The following PRR7 variants were observed in gnomAD, a reference collection of about 807,000 sequenced individuals.
The protein encoded by PRR7 is proline-rich protein 7.
In PRR7, 8 loss-of-function variants were observed where a neutral mutation model predicts 18.5. That is an observed-to-expected ratio of 0.43 (90% CI 0.25 to 0.78). The LOEUF is 0.78. Among genes scored for constraint, PRR7 ranks in the 30% least tolerant of loss-of-function variants. The pLI, the probability that PRR7 is intolerant of heterozygous loss-of-function variation, is 0.22. For missense variants in PRR7, 396 were observed against 403.1 expected, an observed-to-expected ratio of 0.98 and a Z score of 0.15; for synonymous variants, 221 against 187.7, an observed-to-expected ratio of 1.18 and a Z score of -1.45.
In PRR7 at chr5:177,455,659, CG is replaced by C. The variant is rs1246826609; in HGVS notation, c.428-61del. 2 of 1,452,208 alleles carry C rather than the reference CG, an allele frequency of 1.4e-6. No homozygotes were observed. The highest frequency in any genetic ancestry group is 1.8e-6 in the Non-Finnish European group (2 of 1,097,752). 90.0% of individuals were successfully genotyped at this position (1,452,208 alleles called of 1,614,324 possible). On this transcript the variant is annotated intron_variant, in intron 3 of 3. Coordinates refer to ENST00000323249, the MANE Select transcript of PRR7 (RefSeq NM_030567.5). This position sits in a 1 kb window ranked among gnomAD's most constrained non-coding sequence, Gnocchi z 6.9. ...GGCTGGGGCGCGGGCGGCCCCTGGC[CG>C]GGGCCTCTGCGAGAGGCTGGGAACC... is the stretch of plus-strand genomic sequence containing the variant.
At chr5:177,446,502 T>C (rs890570532), upstream of PRR7, 4 of 152,512 alleles carry the variant, frequency 2.6e-5, no homozygotes, top group African/African-American at 9.6e-5. This position sits in a 1 kb window ranked among gnomAD's most constrained non-coding sequence, Gnocchi z 5.3. Flanking sequence ...GTCCGGGTTC[T>C]CGACCTCAGC....
rs1756102997 is a variant in PRR7 at position 177,449,862 on chromosome 5, T to C, written c.-325+2902T>C. On this transcript the variant is annotated intron_variant, in intron 1 of 3. Coordinates refer to ENST00000323249, the MANE Select transcript of PRR7 (RefSeq NM_030567.5). This position sits in a 1 kb window ranked among gnomAD's most constrained non-coding sequence, Gnocchi z 4.2. Reference sequence around the variant, plus strand: ...CCCTGGCCTAGGCGGAGGGCGGTTCTGGCCAGCTCCAAGCCTGGCTGACTG... The same window carrying C: ...CCCTGGCCTAGGCGGAGGGCGGTTCCGGCCAGCTCCAAGCCTGGCTGACTG... Among the ~76,000 whole-genome samples, 1 of 152,174 alleles carries C rather than the reference T, an allele frequency of 6.6e-6. No individual in the cohort carries two copies. Among genetic ancestry groups the C allele is most frequent in the Non-Finnish European group, 1.5e-5 (1 of 68,010 alleles).
Position 177,455,649 on chromosome 5 carries a change from G to T in PRR7, c.428-75G>T. ...TTCGGGCTAGGGCTGGGGCGCGGGC[G>T]GCCCCTGGCCGGGGCCTCTGCGAGA... On this transcript the variant is annotated intron_variant, in intron 3 of 3. Coordinates refer to ENST00000323249, the MANE Select transcript of PRR7 (RefSeq NM_030567.5). The surrounding 1 kb of genome is among the most constrained non-coding windows in gnomAD (Gnocchi z 6.9). 7.0e-7 allele frequency: 1 copy of T among 1,426,752 alleles called. No homozygotes were observed. The highest frequency in any genetic ancestry group is 1.5e-5 in the South Asian group (1 of 68,566). 88.4% of individuals were successfully genotyped at this position (1,426,752 alleles called of 1,614,324 possible). A position where few individuals can be genotyped will look rare whatever the true frequency, so the allele number is the denominator to read the frequency against.
Position 177,455,525 on chromosome 5 carries a change from C to T in PRR7, c.427+31C>T. On this transcript the variant is annotated intron_variant, in intron 3 of 3. Transcript: ENST00000323249. The surrounding 1 kb of genome is among the most constrained non-coding windows in gnomAD (Gnocchi z 6.9). ...TACCGACCTCCGCCAGGGGGCGATCCGGGCCGCCGGAAGTGGGCGGGCGTT... is the reference window on the plus strand; with the variant it reads ...TACCGACCTCCGCCAGGGGGCGATCTGGGCCGCCGGAAGTGGGCGGGCGTT... 2.8e-6 allele frequency: 4 copies of T among 1,450,038 alleles called. No individual in the cohort carries two copies. The highest frequency in any genetic ancestry group is 3.6e-6 in the Non-Finnish European group (4 of 1,112,098). The allele number at this position is 1,450,038 out of a possible 1,614,324, so 89.8% of individuals were successfully genotyped here. A position where few individuals can be genotyped will look rare whatever the true frequency, so the allele number is the denominator to read the frequency against.
chr5:177,455,224 G>A lies in PRR7; in HGVS notation c.157G>A (p.Ala53Thr), dbSNP rs746388371. The part of the protein sequence containing the change: ...EERLREQNLR[A>T]LELEPLELEG... ...GCGACTGCGCGAGCAGAACCTGCGCGCCCTAGAGCTGGAGCCCCTCGAACT... is the reference window on the plus strand; with the variant it reads ...GCGACTGCGCGAGCAGAACCTGCGCACCCTAGAGCTGGAGCCCCTCGAACT... The change falls in exon 3 of 4, where the codon GCC (alanine) becomes ACC (threonine). Residue 53 changes from alanine to threonine, a missense_variant. Transcript: ENST00000323249. This position sits in a 1 kb window ranked among gnomAD's most constrained non-coding sequence, Gnocchi z 6.9. 1 of 1,561,714 alleles carries A rather than the reference G, an allele frequency of 6.4e-7. No homozygotes were observed.
Position 177,455,170 on chromosome 5 carries a change from CGCCGCCGCCTCA to C in PRR7, c.104_115del (p.Arg35_Lys39delinsGln). On this transcript the variant is annotated inframe_deletion, in exon 3 of 4. Coordinates refer to ENST00000323249, the MANE Select transcript of PRR7 (RefSeq NM_030567.5). This position sits in a 1 kb window ranked among gnomAD's most constrained non-coding sequence, Gnocchi z 6.9. ...GCTCTGCTGCTTCTGCAGCTTCCTG[CGCCGCCGCCTCA>C]AACGGCGCCAGGAGGAGCGACTGCG... 1 of 1,575,078 alleles carries C rather than the reference CGCCGCCGCCTCA, an allele frequency of 6.3e-7. No individual in the cohort carries two copies. Among genetic ancestry groups the C allele is most frequent in the Non-Finnish European group, 8.6e-7 (1 of 1,165,614 alleles).
chr5:177,447,967 C>G (rs1163709359), intron 1 of PRR7, among the ~76,000 whole-genome samples: 1 of 152,218 alleles, frequency 6.6e-6, no homozygotes, highest in Non-Finnish European at 1.5e-5. Context: ...GCCTGGTCCG[C>G]CAGGGGAGCT....
chr5:177,452,395 T>G (rs1322746923), intron 1 of PRR7, among the ~76,000 whole-genome samples: 1 of 152,018 alleles, frequency 6.6e-6, no homozygotes, highest in African/African-American at 2.4e-5. Flanking sequence ...GGGGGCATGG[T>G]TTTTTCGGGA....
intron 1 of PRR7, 78 bp downstream of exon 1, chr5:177,447,038 G>C (rs1311851869): frequency 1.3e-5 from 2 of 151,516 alleles, no homozygotes; most frequent in Non-Finnish European, 2.9e-5. Context: ...GCCCTTCCCC[G>C]CGGGCGGCTC....
chr5:177,455,636 C>A lies in PRR7; in HGVS notation c.428-88C>A. 1 of 1,423,278 alleles carries A rather than the reference C, an allele frequency of 7.0e-7. No individual in the cohort carries two copies. The allele number at this position is 1,423,278 out of a possible 1,614,324, so 88.2% of individuals were successfully genotyped here. A position where few individuals can be genotyped will look rare whatever the true frequency, so the allele number is the denominator to read the frequency against. On this transcript the variant is annotated intron_variant, in intron 3 of 3. Transcript: ENST00000323249. This position sits in a 1 kb window ranked among gnomAD's most constrained non-coding sequence, Gnocchi z 6.9. ...CGGCGGGCTCGGGTTCGGGCTAGGG[C>A]TGGGGCGCGGGCGGCCCCTGGCCGG...
In PRR7 at chr5:177,455,388, G is replaced by T; in HGVS notation, c.321G>T (p.Ala107=). ...ACCCGCTGCTGCACCACGGGCCCGC[G>T]CAGCCGCACGCGCACGCGCACCCAC... ...HVHPLLHHGP[A]QPHAHAHPHP... The change falls in exon 3 of 4, where the codon GCG becomes GCT. Residue 107 remains alanine, a synonymous_variant. Transcript: ENST00000323249. The surrounding 1 kb of genome is among the most constrained non-coding windows in gnomAD (Gnocchi z 6.9). 2 of 1,495,526 alleles carry T rather than the reference G, an allele frequency of 1.3e-6. No homozygotes were observed. The highest frequency in any genetic ancestry group is 1.8e-6 in the Non-Finnish European group (2 of 1,129,516). 92.6% of individuals were successfully genotyped at this position (1,495,526 alleles called of 1,614,324 possible).
In PRR7 at chr5:177,454,823, C is replaced by T. The variant is rs35448384; in HGVS notation, c.-239-6C>T. 1 of 295,602 alleles carries T rather than the reference C, an allele frequency of 3.4e-6. No individual in the cohort carries two copies. Among genetic ancestry groups the T allele is most frequent in the African/African-American group, 2.2e-5 (1 of 45,058 alleles). The allele number at this position is 295,602 out of a possible 1,614,324, so 18.3% of individuals were successfully genotyped here. A position where few individuals can be genotyped will look rare whatever the true frequency, so the allele number is the denominator to read the frequency against. ...GCCTTCACTGCGCCCCGTGTCTGCCCTACAGGTCCCGCGCGGCCCCGGGTG... is the reference window on the plus strand; with the variant it reads ...GCCTTCACTGCGCCCCGTGTCTGCCTTACAGGTCCCGCGCGGCCCCGGGTG... On this transcript the variant is annotated splice_region_variant and splice_polypyrimidine_tract_variant and intron_variant, in intron 2 of 3. Coordinates refer to ENST00000323249, the MANE Select transcript of PRR7 (RefSeq NM_030567.5). The surrounding 1 kb of genome is among the most constrained non-coding windows in gnomAD (Gnocchi z 4.7).
rs1441082305 is a variant in PRR7 at position 177,454,644 on chromosome 5, G to A, written c.-239-185G>A. The stretch of plus-strand genomic sequence containing the variant: ...GCGGCGGCGGCCGGGGCTCAGATCG[G>A]GGAAACCCTACCGGGGAAACCTCGA... On this transcript the variant is annotated intron_variant, in intron 2 of 3. Coordinates refer to ENST00000323249, the MANE Select transcript of PRR7 (RefSeq NM_030567.5). The surrounding 1 kb of genome is among the most constrained non-coding windows in gnomAD (Gnocchi z 4.7). Among the ~76,000 whole-genome samples, 1 of 151,972 alleles carries A rather than the reference G, an allele frequency of 6.6e-6. No individual in the cohort carries two copies. Among genetic ancestry groups the A allele is most frequent in the Non-Finnish European group, 1.5e-5 (1 of 67,940 alleles).
At position 177,455,742 on chromosome 5, in the gene PRR7, A is replaced by G. The variant is rs1756399612; in HGVS notation, c.446A>G (p.Lys149Arg). The G allele has an allele frequency of 2.5e-6, 4 of 1,603,870 alleles. No homozygotes were observed. The highest frequency in any genetic ancestry group is 2.6e-6 in the Non-Finnish European group (3 of 1,174,802). Residue 149 changes from lysine (K) to arginine (R), a missense_variant, in exon 4 of 4, where the codon AAA becomes AGA. Around this residue, in one of 2 missense-constraint regions of PRR7, gnomAD observed 383 missense variants for 372.6 expected, o/e 1.03. Coordinates refer to ENST00000323249, the MANE Select transcript of PRR7 (RefSeq NM_030567.5). The surrounding 1 kb of genome is among the most constrained non-coding windows in gnomAD (Gnocchi z 6.9). The stretch of plus-strand genomic sequence containing the variant: ...TCCGCAGCGGAATCGGACATGTCCA[A>G]ACCACCGTGTTACGAAGAGGCGGTG... ...YPRQAESDMSKPPCYEEAVLM... is the reference protein window; with the variant it reads ...YPRQAESDMSRPPCYEEAVLM...
Position 177,455,436 on chromosome 5 carries a change from G to T in PRR7, c.369G>T (p.Pro123=). Residue 123 remains proline (P), a synonymous_variant, in exon 3 of 4, where the codon CCG becomes CCT. Transcript: ENST00000323249. This position sits in a 1 kb window ranked among gnomAD's most constrained non-coding sequence, Gnocchi z 6.9. ...CACACCCGCACCACCACGCGCTCCC[G>T]CACCCGCCGCCTACGCACCTGTCGG... ...AHPHPHHHAL[P]HPPPTHLSVP... 4 of 1,506,124 alleles carry T rather than the reference G, an allele frequency of 2.7e-6. No homozygotes were observed. The highest frequency in any genetic ancestry group is 3.5e-6 in the Non-Finnish European group (4 of 1,135,070). The allele number at this position is 1,506,124 out of a possible 1,614,324, so 93.3% of individuals were successfully genotyped here.
Position 177,455,761 on chromosome 5 carries a change from G to A in PRR7, c.465G>A (p.Glu155=). Residue 155 remains glutamate, a synonymous_variant, in exon 4 of 4, where the codon GAG becomes GAA. Coordinates refer to ENST00000323249, the MANE Select transcript of PRR7 (RefSeq NM_030567.5). This position sits in a 1 kb window ranked among gnomAD's most constrained non-coding sequence, Gnocchi z 6.9. ...SDMSKPPCYE[E]AVLMAEPPPP... is the part of the protein sequence containing the mutation. ...TGTCCAAACCACCGTGTTACGAAGA[G>A]GCGGTGCTGATGGCAGAGCCGCCGC... is the stretch of plus-strand genomic sequence containing the variant. The A allele has an allele frequency of 6.2e-7, 1 of 1,609,032 alleles. No individual in the cohort carries two copies. The highest frequency in any genetic ancestry group is 8.5e-7 in the Non-Finnish European group (1 of 1,178,160).
chr5:177,454,884 G>C lies in PRR7; in HGVS notation c.-184G>C. 1 of 777,440 alleles carries C rather than the reference G, an allele frequency of 1.3e-6. No homozygotes were observed. 48.2% of individuals were successfully genotyped at this position (777,440 alleles called of 1,614,324 possible). On this transcript the variant is annotated 5_prime_UTR_variant, in exon 3 of 4. Coordinates refer to ENST00000323249, the MANE Select transcript of PRR7 (RefSeq NM_030567.5). The surrounding 1 kb of genome is among the most constrained non-coding windows in gnomAD (Gnocchi z 4.7). Reference sequence around the variant, plus strand: ...GCGCGCCCGCCGGCGCCATGGGAAGGAGCGGGCGCCGCTGCTGTCCCCCGC... The same window carrying C: ...GCGCGCCCGCCGGCGCCATGGGAAGCAGCGGGCGCCGCTGCTGTCCCCCGC...
rs1756144286 is a variant in PRR7 at position 177,450,834 on chromosome 5, T to A, written c.-324-3122T>A. On this transcript the variant is annotated intron_variant, in intron 1 of 3. Coordinates refer to ENST00000323249, the MANE Select transcript of PRR7 (RefSeq NM_030567.5). The surrounding 1 kb of genome is among the most constrained non-coding windows in gnomAD (Gnocchi z 6.6). ...AACTCGGGCCCCATCCTAGACCTAC[T>A]GAATCCAGTACTGGGAATGGAGCCC... 6.6e-6 allele frequency among the ~76,000 whole-genome samples: 1 copy of A among 152,238 alleles called. No individual in the cohort carries two copies. The highest frequency in any genetic ancestry group is 2.1e-4 in the South Asian group (1 of 4,832).
At position 177,454,924 on chromosome 5, in the gene PRR7, C is replaced by T; in HGVS notation, c.-144C>T. 8.5e-7 allele frequency: 1 copy of T among 1,171,396 alleles called. No individual in the cohort carries two copies. The highest frequency in any genetic ancestry group is 3.4e-5 in the South Asian group (1 of 29,124). The allele number at this position is 1,171,396 out of a possible 1,614,324, so 72.6% of individuals were successfully genotyped here. A position where few individuals can be genotyped will look rare whatever the true frequency, so the allele number is the denominator to read the frequency against. On this transcript the variant is annotated 5_prime_UTR_variant, in exon 3 of 4. Coordinates refer to ENST00000323249, the MANE Select transcript of PRR7 (RefSeq NM_030567.5). The surrounding 1 kb of genome is among the most constrained non-coding windows in gnomAD (Gnocchi z 4.7). ...CTGTCCCCCGCCGGCGCGCGCACGA[C>T]TTGAGACCTGCCACGGGCAGCCCCC... is the stretch of plus-strand genomic sequence containing the variant.
Sources: gnomAD v4.1 joint callset for allele counts (sites outside exome capture counted in the v4.1 genomes callset) on GRCh38, gnomAD v4.1.1 for gene constraint, gnomAD v4.1.1 regional missense constraint, Gnocchi (gnomAD v3.1) non-coding constraint, MANE v1.5 for transcripts, NCBI Gene and HGNC (gene_info 2026-07-23, HGNC 2026-07-21) for gene names.